The following ACTN4 variants were observed in gnomAD, a reference collection of about 807,000 sequenced individuals.
The protein encoded by ACTN4 is alpha-actinin-4.
A neutral mutation model predicts 114.2 loss-of-function variants in ACTN4; 18 were observed. That is an observed-to-expected ratio of 0.16 (90% CI 0.11 to 0.23). The LOEUF (loss-of-function observed/expected upper bound fraction) is 0.23, where lower values mean the gene tolerates loss of function less well. ACTN4 is among the 10% of genes least tolerant of loss of function. ACTN4 has a pLI of 1.00. For synonymous variants in ACTN4, 515 were observed against 506.3 expected (o/e 1.02, Z -0.23); for missense variants, 722 against 1,262.9 (o/e 0.57, Z 6.49).
chr19:38,675,426 G>T (rs928198834), intron 1 of ACTN4, among the ~76,000 whole-genome samples: 3 of 152,140 alleles, frequency 2.0e-5, no homozygotes, highest in African/African-American at 7.2e-5. Context: ...GTAGAGGTGA[G>T]GTCTCACCAT....
chr19:38,664,408 A>T (rs1193844210), intron 1 of ACTN4, among the ~76,000 whole-genome samples: 1 of 152,044 alleles, frequency 6.6e-6, no homozygotes, highest in African/African-American at 2.4e-5. Flanking sequence ...CTGTGGGATA[A>T]GGTTAGGGTA....
intron 1 of ACTN4, among the ~76,000 whole-genome samples, chr19:38,669,237 T>C (rs1967060466): frequency 6.6e-6 from 1 of 152,156 alleles, no homozygotes; most frequent in South Asian, 2.1e-4. Flanking sequence ...TCCACTGCCT[T>C]GGCCTCCCAA....
rs578017396 is a variant in ACTN4, at chr19:38,647,665, C to T, written c.-81C>T. The T allele has an allele frequency of 2.2e-4, 318 of 1,470,210 alleles. 1 individual carries two copies. The African/African-American group carries it at 3.9e-3, about 18-fold the overall frequency. 91.1% of individuals were successfully genotyped at this position (1,470,210 alleles called of 1,614,324 possible). On this transcript the variant is annotated 5_prime_UTR_variant, in exon 1 of 21. Coordinates refer to ENST00000252699, the MANE Select transcript of ACTN4 (RefSeq NM_004924.6). ...GGGCGGGCTGAAGCAGCTGAAGCGGCGGTAGCGGCGGCGGCTCGGGCAGAG... is the reference window on the plus strand; with the variant it reads ...GGGCGGGCTGAAGCAGCTGAAGCGGTGGTAGCGGCGGCGGCTCGGGCAGAG...
chr19:38,668,111 C>T (rs1027241880), intron 1 of ACTN4, among the ~76,000 whole-genome samples: 1 of 152,184 alleles, frequency 6.6e-6, no homozygotes, highest in African/African-American at 2.4e-5. Context: ...ATGCTTTGCA[C>T]AGTCCAGTTT....
intron 1 of ACTN4, among the ~76,000 whole-genome samples, chr19:38,650,877 G>A (rs1485792294): frequency 2.6e-5 from 4 of 152,060 alleles, no homozygotes; most frequent in African/African-American, 7.2e-5. Context: ...CTGGGAATAC[G>A]GGCATGCGCC....
At chr19:38,677,256 G>A (rs1464810383) in intron 1 of ACTN4, among the ~76,000 whole-genome samples, 4 of 152,160 alleles carry the variant, frequency 2.6e-5, no homozygotes, top group African/African-American at 4.8e-5. Flanking sequence ...CGAGGGTCAC[G>A]AGAGCAGAGA....
intron 11 of ACTN4, 74 bp downstream of exon 11, chr19:38,718,148 G>T (rs1599847169): frequency 6.4e-7 from 1 of 1,554,414 alleles, no homozygotes; most frequent in South Asian, 1.2e-5. Context: ...GCATGCATGG[G>T]TGTGCACACA....
At chr19:38,690,227 T>C (rs530233938) in intron 1 of ACTN4, among the ~76,000 whole-genome samples, 4 of 152,218 alleles carry the variant, frequency 2.6e-5, no homozygotes, top group Non-Finnish European at 5.9e-5. Flanking sequence ...ACTCTTCTGG[T>C]CCACGTTTGT....
intron 12 of ACTN4, among the ~76,000 whole-genome samples, chr19:38,722,398 G>A (rs1041023157): frequency 2.6e-5 from 4 of 152,042 alleles, no homozygotes; most frequent in Non-Finnish European, 5.9e-5. Context: ...TCTTTCCACC[G>A]ACACCCCCAC....
chr19:38,662,789 T>C (rs1021479960), intron 1 of ACTN4, among the ~76,000 whole-genome samples: 1 of 152,130 alleles, frequency 6.6e-6, no homozygotes, highest in South Asian at 2.1e-4. Context: ...TAGGAAAGTC[T>C]GTCTTGGAGG....
chr19:38,723,731 G>T lies in ACTN4; in HGVS notation c.1551+9G>T. 2 of 1,596,840 alleles carry T rather than the reference G, an allele frequency of 1.3e-6. No individual in the cohort carries two copies. The highest frequency in any genetic ancestry group is 1.7e-6 in the Non-Finnish European group (2 of 1,168,074). ...GCAGGGAAGCCCTGGAGGTGAGGAGGGGGTGACATCACCCACGGAGCTCTG... is the reference window on the plus strand; with the variant it reads ...GCAGGGAAGCCCTGGAGGTGAGGAGTGGGTGACATCACCCACGGAGCTCTG... On this transcript the variant is annotated intron_variant, in intron 13 of 20. Transcript: ENST00000252699.
At chr19:38,701,237 C>G in intron 3 of ACTN4, 116 bp downstream of exon 3, 1 of 1,505,520 alleles carries the variant, frequency 6.6e-7, no homozygotes, top group Non-Finnish European at 9.0e-7. Flanking sequence ...TTGGGGCACT[C>G]AGAGCCCCAG....
intron 1 of ACTN4, among the ~76,000 whole-genome samples, chr19:38,651,054 G>C (rs1355054408): frequency 6.6e-6 from 1 of 152,106 alleles, no homozygotes; most frequent in Non-Finnish European, 1.5e-5. Context: ...TTTCTACATT[G>C]CAGTGTTGCT....
At chr19:38,693,852 G>T (rs1460116549) in intron 1 of ACTN4, among the ~76,000 whole-genome samples, 1 of 152,202 alleles carries the variant, frequency 6.6e-6, no homozygotes, top group Admixed American at 6.5e-5. Context: ...CCTTAGCTGG[G>T]TCACCATGGG....
rs142809385 is a variant in ACTN4 at position 38,668,501 on chromosome 19, C to T, written c.162+20594C>T. Among the ~76,000 whole-genome samples the T allele has an allele frequency of 3.9e-3, 593 of 152,236 alleles. 4 individuals are homozygous for T. Among genetic ancestry groups the T allele is most frequent in the African/African-American group, 0.014 (561 of 41,532 alleles). ...GGGAGTTTGAGACCATCCTGGCCAA[C>T]ATGGTGATACCCCGTCTCTACTAAA... On this transcript the variant is annotated intron_variant, in intron 1 of 20. Transcript: ENST00000252699.
chr19:38,666,286 T>G (rs1599770669), intron 1 of ACTN4, among the ~76,000 whole-genome samples: 1 of 152,138 alleles, frequency 6.6e-6, no homozygotes, highest in South Asian at 2.1e-4. Flanking sequence ...AATGTCCGCC[T>G]CCCAGCCTCT....
intron 1 of ACTN4, among the ~76,000 whole-genome samples, chr19:38,685,012 C>T (rs1967697438): frequency 6.6e-6 from 1 of 152,142 alleles, no homozygotes; most frequent in African/African-American, 2.4e-5. Context: ...GTGGCGTGAT[C>T]TCAGCTCACT....
rs570049345 is a variant in ACTN4 at position 38,730,370 on chromosome 19, A to AG, written c.*939dup. ...GGGCGTGGGTCTCTGGGGACCCTCC[A>AG]GAGGTGGAGGTGGGCTGATGGCCTG... is the stretch of plus-strand genomic sequence containing the variant. On this transcript the variant is annotated 3_prime_UTR_variant, in exon 21 of 21. Transcript: ENST00000252699. 2.0e-3 allele frequency: 369 copies of AG among 187,350 alleles called. 2 individuals are homozygous for AG. Among genetic ancestry groups the AG allele is most frequent in the African/African-American group, 8.4e-3 (350 of 41,886 alleles). The allele number at this position is 187,350 out of a possible 1,614,324, so 11.6% of individuals were successfully genotyped here. A position where few individuals can be genotyped will look rare whatever the true frequency, so the allele number is the denominator to read the frequency against.
At chr19:38,653,381 C>G (rs1976625058) in intron 1 of ACTN4, among the ~76,000 whole-genome samples, 1 of 148,980 alleles carries the variant, frequency 6.7e-6, no homozygotes. Flanking sequence ...GGGAATTGTA[C>G]AAGCCTTTGA....
Sources: allele counts gnomAD v4.1 joint callset (sites outside exome capture counted in the v4.1 genomes callset), GRCh38; gene constraint gnomAD v4.1.1; transcripts MANE v1.5; gene names NCBI Gene and HGNC (gene_info 2026-07-23, HGNC 2026-07-21).